The following PLD1 variants were observed in gnomAD, a reference collection of about 807,000 sequenced individuals.
PLD1 encodes phospholipase D1.
Under a neutral mutation model 137.1 loss-of-function variants are expected in PLD1, and 112 were observed. The ratio of observed to expected loss-of-function variants is 0.82; its 90% CI spans 0.70 to 0.96. The LOEUF (loss-of-function observed/expected upper bound fraction) is 0.96. Among genes scored for constraint, PLD1 ranks in the 40% least tolerant of loss-of-function variants. The pLI is 0.00. For synonymous variants in PLD1, 431 were observed against 454.7 expected (o/e 0.95, Z 0.66); for missense variants, 1,321 against 1,342.0 (o/e 0.98, Z 0.24).
At chr3:171,779,191 C>G (rs572574635) in intron 1 of PLD1, among the ~76,000 whole-genome samples, 20 of 152,138 alleles carry the variant, frequency 1.3e-4, no homozygotes, top group African/African-American at 2.7e-4. Context: ...CAGGGCAAGA[C>G]TCTGTCTCAA....
At chr3:171,613,891 T>C (rs1259247050) in intron 24 of PLD1, among the ~76,000 whole-genome samples, 3 of 152,192 alleles carry the variant, frequency 2.0e-5, no homozygotes, top group Admixed American at 6.5e-5. Flanking sequence ...AGAAAGGGCC[T>C]GACTGACTCT....
At chr3:171,731,063 T>C (rs1207946950) in intron 6 of PLD1, among the ~76,000 whole-genome samples, 1 of 152,228 alleles carries the variant, frequency 6.6e-6, no homozygotes, top group Non-Finnish European at 1.5e-5. Context: ...AACACACTTA[T>C]TCCAAATACA....
chr3:171,642,802 T>G, intron 23 of PLD1, 38 bp downstream of exon 23: 1 of 1,245,768 alleles, frequency 8.0e-7, no homozygotes, highest in Non-Finnish European at 1.2e-6. Flanking sequence ...ACCTTCATAA[T>G]AAAAAACAAT....
chr3:171,746,004 G>A (rs111456191), intron 1 of PLD1, among the ~76,000 whole-genome samples: 3,430 of 133,656 alleles, frequency 0.026, 134 homozygotes, highest in African/African-American at 0.099. Context: ...CACCGGCCCC[G>A]GGCAGTGAGG....
chr3:171,808,978 C>T (rs1723997088), intron 1 of PLD1, among the ~76,000 whole-genome samples: 1 of 151,958 alleles, frequency 6.6e-6, no homozygotes, highest in Non-Finnish European at 1.5e-5. Flanking sequence ...GCGTGTGCCA[C>T]CACGCCTGGC....
intron 1 of PLD1, among the ~76,000 whole-genome samples, chr3:171,768,340 G>T (rs533019535): frequency 1.8e-4 from 27 of 152,290 alleles, no homozygotes; most frequent in Non-Finnish European, 3.1e-4. Context: ...TGGTTCTTGA[G>T]GGGGGCAAGA....
chr3:171,639,848 C>CTCTCTCTCTCTATATATATATA (rs3050415), intron 23 of PLD1, among the ~76,000 whole-genome samples: 6 of 110,212 alleles, frequency 5.4e-5, no homozygotes, highest in African/African-American at 2.0e-4. Context: ...CTCTCTCTCT[C>CTCTCTCTCTCTATATATATATA]TATATATATA....
chr3:171,681,244 C>T (rs1411860340), intron 16 of PLD1, among the ~76,000 whole-genome samples: 14 of 152,222 alleles, frequency 9.2e-5, no homozygotes, highest in Admixed American at 8.5e-4. Context: ...GTTGCACAAA[C>T]ATAAATGGTT....
chr3:171,641,839 T>C (rs542260120), intron 23 of PLD1, among the ~76,000 whole-genome samples: 1 of 152,228 alleles, frequency 6.6e-6, no homozygotes, highest in African/African-American at 2.4e-5. Flanking sequence ...TAAACGTCAG[T>C]TTGATGAATT....
At chr3:171,714,601 A>G (rs1717533717) in intron 8 of PLD1, among the ~76,000 whole-genome samples, 1 of 152,350 alleles carries the variant, frequency 6.6e-6, no homozygotes, top group East Asian at 1.9e-4. Flanking sequence ...ACTAAGTAAT[A>G]CTGTAAATAT....
At chr3:171,696,171 A>T (rs1715670497) in intron 12 of PLD1, among the ~76,000 whole-genome samples, 2 of 152,196 alleles carry the variant, frequency 1.3e-5, no homozygotes, top group Admixed American at 1.3e-4. Flanking sequence ...TTCATAGGAA[A>T]TATCACAAGC....
Position 171,726,063 on chromosome 3 carries a change from T to G in PLD1, c.620A>C (p.Asp207Ala). ...ATGGATGAAAGACAGCTGGCTTATA[T>G]CAAGAAACTCTGTCTGAAAAGAAGC... ...RNYHATTEFL[D>A]ISQLSFIHDL... The change falls in exon 7 of 27, where the codon GAT becomes GCT. Residue 207 changes from aspartate to alanine, a missense_variant. By Grantham distance (126) the Asp-to-Ala change is moderately radical. Coordinates refer to ENST00000351298, the MANE Select transcript of PLD1 (RefSeq NM_002662.5). The G allele has an allele frequency of 6.2e-7, 1 of 1,612,080 alleles. No individual in the cohort carries two copies. Among genetic ancestry groups the G allele is most frequent in the South Asian group, 1.1e-5 (1 of 91,034 alleles).
chr3:171,619,288 G>C (rs1354702900), intron 24 of PLD1, among the ~76,000 whole-genome samples: 3 of 152,078 alleles, frequency 2.0e-5, no homozygotes, highest in African/African-American at 2.4e-5. Context: ...TTCAATGATG[G>C]AAGAATGAAG....
At chr3:171,722,613 T>G (rs1246734188) in intron 8 of PLD1, among the ~76,000 whole-genome samples, 1 of 152,194 alleles carries the variant, frequency 6.6e-6, no homozygotes, top group African/African-American at 2.4e-5. Flanking sequence ...TTTATCCTGT[T>G]TTCAAGGTTC....
intron 1 of PLD1, among the ~76,000 whole-genome samples, chr3:171,806,893 T>A (rs1723868885): frequency 6.6e-6 from 1 of 152,208 alleles, no homozygotes. Context: ...ACAATACCCT[T>A]AGACACAAGT....
chr3:171,680,731 T>A (rs1713889285), intron 16 of PLD1, among the ~76,000 whole-genome samples: 2 of 152,230 alleles, frequency 1.3e-5, no homozygotes, highest in African/African-American at 4.8e-5. Context: ...ATTTCTGCTG[T>A]CTGTGTGTAG....
rs71178233 is a variant in PLD1, at chr3:171,737,661, T to TA, written c.161-3dup. ...AAATAGCAGAGAAAGGGATATACAC[T>TA]AAAAAAAAAAGTAAATAAAGTTAAT... On this transcript the variant is annotated splice_polypyrimidine_tract_variant and splice_region_variant and intron_variant, in intron 2 of 26. Transcript: ENST00000351298. 0.013 allele frequency: 15,038 copies of TA among 1,197,444 alleles called. No homozygotes were observed. The highest frequency in any genetic ancestry group is 0.014 in the Non-Finnish European group (12,197 of 879,848). 74.2% of individuals were successfully genotyped at this position (1,197,444 alleles called of 1,614,324 possible).
chr3:171,674,928 G>T (rs999187011), intron 18 of PLD1, among the ~76,000 whole-genome samples: 1 of 129,946 alleles, frequency 7.7e-6, no homozygotes, highest in African/African-American at 2.9e-5. Context: ...GCAGTGAGTC[G>T]AGATTTCATC....
chr3:171,790,727 C>G (rs2108350464), intron 1 of PLD1, among the ~76,000 whole-genome samples: 1 of 152,258 alleles, frequency 6.6e-6, no homozygotes, highest in East Asian at 1.9e-4. Flanking sequence ...CAGCAGCCAT[C>G]TCAGACAAGG....
Sources: allele counts gnomAD v4.1 joint callset (sites outside exome capture counted in the v4.1 genomes callset), GRCh38; gene constraint gnomAD v4.1.1; transcripts MANE v1.5; gene names NCBI Gene and HGNC (gene_info 2026-07-23, HGNC 2026-07-21).